The following TTC16 variants were observed in gnomAD, a reference collection of about 807,000 sequenced individuals.
TTC16 encodes the protein tetratricopeptide repeat domain 16.
TTC16 carries 66 observed loss-of-function variants against 80.4 expected under a neutral mutation model. The ratio of observed to expected loss-of-function variants is 0.82; its 90% CI spans 0.67 to 1.01. The LOEUF is 1.01. Among genes scored for constraint, TTC16 ranks in the 50% least tolerant of loss-of-function variants. The pLI is 0.00. For missense variants in TTC16, 1,070 were observed against 1,103.2 expected (o/e 0.97, Z 0.43); for synonymous variants, 438 against 451.3 (o/e 0.97, Z 0.37).
intron 9 of TTC16, among the ~76,000 whole-genome samples, chr9:127,725,457 G>A (rs1337995396): frequency 1.4e-5 from 2 of 145,988 alleles, no homozygotes; most frequent in East Asian, 4.2e-4. Context: ...CCAGCTACTC[G>A]GGAGGCTGAG....
rs1180712411 is a variant in TTC16, at chr9:127,718,839, G to A, written c.426+1067G>A. 2.0e-5 allele frequency among the ~76,000 whole-genome samples: 3 copies of A among 151,230 alleles called. No homozygotes were observed. Among genetic ancestry groups the A allele is most frequent in the East Asian group, 4.0e-4 (2 of 5,022 alleles). ...ACTCCTGACCTCAAGTAATCCTCCC[G>A]CCTCGGCCTCCCAAAGTGCTGGGAT... On this transcript the variant is annotated intron_variant, in intron 4 of 13. Coordinates refer to ENST00000373289, the MANE Select transcript of TTC16 (RefSeq NM_144965.3). The surrounding 1 kb of genome is among the most constrained non-coding windows in gnomAD (Gnocchi z 4.6).
chr9:127,727,605 G>A, intron 12 of TTC16, 140 bp downstream of exon 12: 2 of 1,415,958 alleles, frequency 1.4e-6, no homozygotes, highest in Non-Finnish European at 1.8e-6. Context: ...TGATGGGCTG[G>A]GGACATCTTG....
At chr9:127,724,401 G>A (rs762144698) in intron 8 of TTC16, 37 bp downstream of exon 8, 38 of 1,605,726 alleles carry the variant, frequency 2.4e-5, no homozygotes, top group Non-Finnish European at 3.1e-5. Flanking sequence ...GGGGGGGTGC[G>A]GGGGAGCCTC....
chr9:127,718,087 TTTA>T lies in TTC16; in HGVS notation c.426+330_426+332del, dbSNP rs139884083. On this transcript the variant is annotated intron_variant, in intron 4 of 13. Transcript: ENST00000373289. The surrounding 1 kb of genome is among the most constrained non-coding windows in gnomAD (Gnocchi z 4.6). Reference sequence around the variant, plus strand: ...ATTTTATATCTTATTTTTATTTTATTTTATTATTATTATTATTTTTGAGACAGT... The same window carrying T: ...ATTTTATATCTTATTTTTATTTTATTTTATTATTATTATTTTTGAGACAGT... Among the ~76,000 whole-genome samples the T allele has an allele frequency of 2.6e-5, 4 of 151,902 alleles. No homozygotes were observed. In the South Asian group the frequency reaches 8.3e-4, roughly 32 times the overall value.
At chr9:127,720,510 T>C in intron 6 of TTC16, 115 bp downstream of exon 6, 1 of 1,323,186 alleles carries the variant, frequency 7.6e-7, no homozygotes, top group African/African-American at 1.4e-5. Flanking sequence ...CATCCCACAG[T>C]GCAGTGGGTG....
At chr9:127,717,215 C>G in intron 2 of TTC16, 119 bp from the exon 3 acceptor site, 1 of 1,197,050 alleles carries the variant, frequency 8.4e-7, no homozygotes, top group South Asian at 1.3e-5. Flanking sequence ...GGGCTTCTGT[C>G]TACTCCTCCT....
chr9:127,727,609 C>T, intron 12 of TTC16, 144 bp downstream of exon 12: 1 of 1,408,184 alleles, frequency 7.1e-7, no homozygotes, highest in Non-Finnish European at 9.3e-7. Flanking sequence ...GGGCTGGGGA[C>T]ATCTTGCTAT....
rs2131673549 is a variant in TTC16, at chr9:127,726,363, G to A, written c.1384G>A (p.Asp462Asn). The A allele has an allele frequency of 6.2e-7, 1 of 1,611,846 alleles. No homozygotes were observed. Among genetic ancestry groups the A allele is most frequent in the Non-Finnish European group, 8.5e-7 (1 of 1,179,144 alleles). The change falls in exon 10 of 14, where the codon GAT becomes AAT. Residue 462 changes from aspartate to asparagine, a missense_variant. Physicochemically the swap from Asp to Asn is conservative, Grantham distance 23. Transcript: ENST00000373289. ...LLQNIFGARQ[D>N]VATVLLLNPK... ...GCAGAACATTTTTGGGGCCCGCCAG[G>A]ATGTGGCCACTGTCCTGCTCCTCAA... is the stretch of plus-strand genomic sequence containing the variant.
Position 127,727,193 on chromosome 9 carries a change from G to A in TTC16, c.1569-77G>A, listed in dbSNP as rs568574615. 5.4e-5 allele frequency: 82 copies of A among 1,520,474 alleles called. 1 individual carries two copies. Among genetic ancestry groups the A allele is most frequent in the South Asian group, 3.9e-4 (30 of 76,916 alleles). 94.2% of individuals were successfully genotyped at this position (1,520,474 alleles called of 1,614,324 possible). On this transcript the variant is annotated intron_variant, in intron 11 of 13. Coordinates refer to ENST00000373289, the MANE Select transcript of TTC16 (RefSeq NM_144965.3). ...GCTCCTCTGGCTCCAGCTGCATGAC[G>A]GGGCCGTTGTCTAGTCCTTGGAGAG... is the stretch of plus-strand genomic sequence containing the variant.
chr9:127,716,243 A>C (rs1842997201), intron 1 of TTC16, 80 bp downstream of exon 1: 16 of 1,595,256 alleles, frequency 1.0e-5, no homozygotes, highest in Non-Finnish European at 1.4e-5. Flanking sequence ...GAAAGGGTGA[A>C]GGCCGGGAGA....
At chr9:127,719,746 G>A (rs965653399) in intron 4 of TTC16, among the ~76,000 whole-genome samples, 13 of 152,234 alleles carry the variant, frequency 8.5e-5, no homozygotes, top group African/African-American at 3.1e-4. Flanking sequence ...ACCTGCCTGG[G>A]CCTCCCAAAG....
chr9:127,724,973 C>A, intron 9 of TTC16, 76 bp downstream of exon 9: 2 of 1,418,496 alleles, frequency 1.4e-6, no homozygotes, highest in Non-Finnish European at 9.2e-7. Context: ...CTGCTGGGAT[C>A]CCTGGGTCAA....
intron 12 of TTC16, 65 bp from the exon 13 acceptor site, chr9:127,729,516 C>T (rs1240593859): frequency 1.4e-6 from 2 of 1,399,588 alleles, no homozygotes; most frequent in Non-Finnish European, 2.0e-6. Context: ...GGCTGCTGGC[C>T]TTCTAGAGGT....
intron 12 of TTC16, chr9:127,727,726 TCTA>T (rs1844096759): frequency 4.8e-6 from 3 of 619,646 alleles, no homozygotes; most frequent in Middle Eastern, 5.3e-4. Flanking sequence ...TGTCATGAAT[TCTA>T]CTGTAGGCAC....
intron 13 of TTC16, 133 bp from the exon 14 acceptor site, chr9:127,730,503 T>C (rs1319016168): frequency 5.9e-6 from 8 of 1,364,560 alleles, no homozygotes; most frequent in Non-Finnish European, 7.8e-6. Context: ...GGGGGTGATC[T>C]GCAGGTCTTT....
chr9:127,721,989 G>T (rs941313405), intron 6 of TTC16, among the ~76,000 whole-genome samples: 2 of 152,164 alleles, frequency 1.3e-5, no homozygotes, highest in African/African-American at 4.8e-5. Flanking sequence ...ATAATTATTG[G>T]TGACTGTTGT....
At position 127,731,110 on chromosome 9, in the gene TTC16, A is replaced by G. The variant is rs1844382388; in HGVS notation, c.2327A>G (p.Lys776Arg). The change falls in exon 14 of 14, where the codon AAG becomes AGG. Residue 776 changes from lysine to arginine, a missense_variant. Lys to Arg is a conservative substitution (Grantham distance 26). Transcript: ENST00000373289. ...CCAAGGCAGAGGCCCAGAAAGGTCA[A>G]GGCTGCTCGTGGCCGGAGCTGGAGA... is the stretch of plus-strand genomic sequence containing the variant. ...RSPRQRPRKV[K>R]AARGRSWRPS... The G allele has an allele frequency of 1.2e-6, 2 of 1,611,790 alleles. No homozygotes were observed. Among genetic ancestry groups the G allele is most frequent in the African/African-American group, 1.3e-5 (1 of 74,920 alleles).
At chr9:127,719,692 C>A (rs1843301355) in intron 4 of TTC16, among the ~76,000 whole-genome samples, 2 of 152,184 alleles carry the variant, frequency 1.3e-5, no homozygotes, top group Admixed American at 6.5e-5. Context: ...GGGGTTTCAC[C>A]ATGTTGGCCA....
chr9:127,730,584 T>A, intron 13 of TTC16, 52 bp from the exon 14 acceptor site: 5 of 1,586,532 alleles, frequency 3.2e-6, no homozygotes, highest in Non-Finnish European at 3.4e-6. Flanking sequence ...CCCAGAGCTG[T>A]CCAGGGCAGG....
Sources: gnomAD v4.1 joint callset for allele counts (sites outside exome capture counted in the v4.1 genomes callset) on GRCh38, gnomAD v4.1.1 for gene constraint, Gnocchi (gnomAD v3.1) non-coding constraint, MANE v1.5 for transcripts, NCBI Gene and HGNC (gene_info 2026-07-23, HGNC 2026-07-21) for gene names.